The following GAS2 variants were observed in gnomAD, a reference collection of about 807,000 sequenced individuals.
The protein encoded by GAS2 is growth arrest-specific protein 2.
Under a neutral mutation model 37.5 loss-of-function variants are expected in GAS2, and 20 were observed. The observed-to-expected ratio is 0.53, with a 90% CI of 0.37 to 0.77. The LOEUF is 0.77. Ranked by LOEUF, GAS2 falls within the 30% of genes least tolerant of loss-of-function variation. The pLI is 0.00. For synonymous variants in GAS2, 144 were observed against 132.2 expected (o/e 1.09, Z -0.61); for missense variants, 336 against 373.4 (o/e 0.90, Z 0.82).
chr11:22,644,218 C>T (rs753195437), intron 1 of GAS2, among the ~76,000 whole-genome samples: 3 of 152,032 alleles, frequency 2.0e-5, no homozygotes, highest in Non-Finnish European at 4.4e-5. Flanking sequence ...TACTTCCAGA[C>T]GTAATCTGAG....
At chr11:22,676,797 G>C (rs1214396602) in intron 2 of GAS2, among the ~76,000 whole-genome samples, 1 of 151,938 alleles carries the variant, frequency 6.6e-6, no homozygotes, top group Non-Finnish European at 1.5e-5. Context: ...TCTGGAATAA[G>C]AATGCTTTCA....
chr11:22,714,228 T>G (rs545420795), intron 3 of GAS2, among the ~76,000 whole-genome samples: 1 of 152,230 alleles, frequency 6.6e-6, no homozygotes, highest in African/African-American at 2.4e-5. Flanking sequence ...GTAGCTATTC[T>G]TATATCAGAC....
chr11:22,713,594 T>C (rs1173757601), intron 3 of GAS2, among the ~76,000 whole-genome samples: 1 of 152,138 alleles, frequency 6.6e-6, no homozygotes, highest in Non-Finnish European at 1.5e-5. Flanking sequence ...GAAAGAATCT[T>C]AAGAGATGAG....
At chr11:22,660,357 T>G (rs1270849997) in intron 1 of GAS2, among the ~76,000 whole-genome samples, 1 of 152,178 alleles carries the variant, frequency 6.6e-6, no homozygotes, top group East Asian at 1.9e-4. Context: ...CTTAGGGAAT[T>G]GTTGTAATGA....
At chr11:22,804,589 A>G (rs1590150290) in intron 7 of GAS2, among the ~76,000 whole-genome samples, 1 of 152,124 alleles carries the variant, frequency 6.6e-6, no homozygotes. Context: ...CAAGAAGGTC[A>G]GATGTAAGGA....
chr11:22,702,075 A>T (rs1850871082), intron 3 of GAS2: 1 of 152,198 alleles, frequency 6.6e-6, no homozygotes, highest in Non-Finnish European at 1.5e-5. Flanking sequence ...CAGGAGCTAC[A>T]CATGCATTGC....
At chr11:22,761,582 C>T (rs1374430778) in intron 7 of GAS2, among the ~76,000 whole-genome samples, 1 of 152,046 alleles carries the variant, frequency 6.6e-6, no homozygotes, top group Non-Finnish European at 1.5e-5. Flanking sequence ...ATAATAGTTC[C>T]AGAAGATGTT....
At chr11:22,789,425 GAT>G (rs35755438) in intron 7 of GAS2, among the ~76,000 whole-genome samples, 934 of 30,550 alleles carry the variant, frequency 0.031, 29 homozygotes, top group African/African-American at 0.075. Context: ...TCTCATATGA[GAT>G]ATATATATAT....
chr11:22,679,695 AT>A (rs1343261649), intron 2 of GAS2, among the ~76,000 whole-genome samples: 1 of 152,154 alleles, frequency 6.6e-6, no homozygotes, highest in Non-Finnish European at 1.5e-5. Flanking sequence ...GTCTAATGCT[AT>A]ATAAATTACA....
At chr11:22,672,066 A>G (rs1253792500) in intron 1 of GAS2, among the ~76,000 whole-genome samples, 2 of 152,002 alleles carry the variant, frequency 1.3e-5, no homozygotes, top group Admixed American at 6.5e-5. Context: ...GTCCTTATCT[A>G]TGACAGTGAC....
intron 7 of GAS2, among the ~76,000 whole-genome samples, chr11:22,805,557 T>A (rs1408307842): frequency 6.6e-6 from 1 of 152,132 alleles, no homozygotes; most frequent in East Asian, 1.9e-4. Context: ...CTGCTTCTAG[T>A]AACCACCATT....
intron 1 of GAS2, among the ~76,000 whole-genome samples, chr11:22,650,460 T>A (rs1181468738): frequency 1.3e-5 from 2 of 151,996 alleles, no homozygotes; most frequent in African/African-American, 2.4e-5. Context: ...TGAGTTCAAT[T>A]CCTGTGTATC....
At chr11:22,789,456 T>TC (rs1856024248) in intron 7 of GAS2, among the ~76,000 whole-genome samples, 2 of 54,018 alleles carry the variant, frequency 3.7e-5, no homozygotes, top group Non-Finnish European at 8.1e-5. Context: ...ATATATATAT[T>TC]CTTTTTTTTT....
At chr11:22,739,339 C>T (rs1289883380) in intron 5 of GAS2, among the ~76,000 whole-genome samples, 2 of 151,814 alleles carry the variant, frequency 1.3e-5, no homozygotes, top group Non-Finnish European at 2.9e-5. Flanking sequence ...CTTTGGGAGG[C>T]CGAGGCGGGT....
chr11:22,726,683 C>G (rs1852232251), intron 4 of GAS2, among the ~76,000 whole-genome samples: 1 of 152,012 alleles, frequency 6.6e-6, no homozygotes, highest in Non-Finnish European at 1.5e-5. Flanking sequence ...AGAATTCTTT[C>G]CAAGCTAAAT....
chr11:22,712,249 A>G (rs543445130), intron 3 of GAS2, among the ~76,000 whole-genome samples: 14 of 152,160 alleles, frequency 9.2e-5, no homozygotes, highest in Admixed American at 8.5e-4. Flanking sequence ...ATTCAAGAAA[A>G]CCAGTGCACT....
chr11:22,661,324 G>T (rs1210387295), intron 1 of GAS2, among the ~76,000 whole-genome samples: 2 of 151,926 alleles, frequency 1.3e-5, no homozygotes, highest in African/African-American at 2.4e-5. Context: ...GTGGTTTTAT[G>T]ATTTATTTAT....
chr11:22,758,661 C>A (rs1854183979), intron 7 of GAS2, among the ~76,000 whole-genome samples: 1 of 152,104 alleles, frequency 6.6e-6, no homozygotes, highest in Non-Finnish European at 1.5e-5. Flanking sequence ...CGCCTGTAAT[C>A]CCAGCACTTT....
chr11:22,757,146 TAATA>T (rs1036100575), intron 7 of GAS2, among the ~76,000 whole-genome samples: 6 of 152,114 alleles, frequency 3.9e-5, no homozygotes, highest in African/African-American at 1.4e-4. Flanking sequence ...AGCACATGAT[TAATA>T]AATTATATAC....
Sources: gnomAD v4.1 joint callset for allele counts (sites outside exome capture counted in the v4.1 genomes callset) on GRCh38, gnomAD v4.1.1 for gene constraint, MANE v1.5 for transcripts, NCBI Gene and HGNC (gene_info 2026-07-23, HGNC 2026-07-21) for gene names.